TMEM132B: variants seen among roughly 807,000 people sequenced by gnomAD.
TMEM132B encodes transmembrane protein 132B.
In TMEM132B, 18 loss-of-function variants were observed where a neutral mutation model predicts 90.8. The ratio of observed to expected loss-of-function variants is 0.20; its 90% CI spans 0.14 to 0.29. The LOEUF is 0.29. TMEM132B is among the 10% of genes least tolerant of loss of function. The probability of loss-of-function intolerance (pLI) is 1.00; values close to 1 mark genes in which losing one functional copy is unlikely to be tolerated. For missense variants in TMEM132B, 1,096 were observed against 1,326.8 expected, an observed-to-expected ratio of 0.83 and a Z score of 2.70; for synonymous variants, 504 against 523.3, an observed-to-expected ratio of 0.96 and a Z score of 0.50.
rs746475847 is a variant in TMEM132B at position 125,658,045 on chromosome 12, A to ACAAC, written c.*3336_*3339dup. On this transcript the variant is annotated 3_prime_UTR_variant, in exon 9 of 9. Coordinates refer to ENST00000682704, the MANE Select transcript of TMEM132B (RefSeq NM_001366854.1). ...GACAATAGAAGGTTACCCTGGAAAAACAACACCTAGCAAACCTCAGAATAC... is the reference window on the plus strand; with the variant it reads ...GACAATAGAAGGTTACCCTGGAAAAACAACCAACACCTAGCAAACCTCAGAATAC... The ACAAC allele has an allele frequency of 1.3e-5, 2 of 152,250 alleles. No homozygotes were observed. The highest frequency in any genetic ancestry group is 2.9e-5 in the Non-Finnish European group (2 of 68,074). The allele number at this position is 152,250 out of a possible 1,614,324, so 9.4% of individuals were successfully genotyped here. A position where few individuals can be genotyped will look rare whatever the true frequency, so the allele number is the denominator to read the frequency against.
rs181519211 is a variant in TMEM132B at position 125,255,379 on chromosome 12, C to T, written c.67+68513C>T. ...GGGGTTGTAGAGCCACAGTTGCCCACGGGGGCGGCATGGCTGTGCTGTAGG... is the reference window on the plus strand; with the variant it reads ...GGGGTTGTAGAGCCACAGTTGCCCATGGGGGCGGCATGGCTGTGCTGTAGG... On this transcript the variant is annotated intron_variant, in intron 1 of 8. Coordinates refer to ENST00000682704, the MANE Select transcript of TMEM132B (RefSeq NM_001366854.1). Among the ~76,000 whole-genome samples the T allele has an allele frequency of 1.5e-4, 23 of 152,202 alleles. No homozygotes were observed. In the East Asian group the frequency reaches 3.5e-3, roughly 23 times the overall value.
chr12:125,620,021 T>C (rs1023229304), intron 5 of TMEM132B, among the ~76,000 whole-genome samples: 9 of 152,202 alleles, frequency 5.9e-5, no homozygotes, highest in African/African-American at 2.2e-4. Context: ...CTGGGACTTC[T>C]GTTTAGTCAT....
At chr12:125,202,899 A>G (rs750961253) in intron 1 of TMEM132B, among the ~76,000 whole-genome samples, 20 of 152,206 alleles carry the variant, frequency 1.3e-4, no homozygotes, top group Admixed American at 2.6e-4. Context: ...GAACTTGATC[A>G]TGAACTTCCC....
chr12:125,541,191 C>A (rs1223439541), intron 4 of TMEM132B, among the ~76,000 whole-genome samples: 2 of 152,226 alleles, frequency 1.3e-5, no homozygotes, highest in African/African-American at 4.8e-5. Context: ...TCATAATAAT[C>A]ATTGTCACGA....
At chr12:125,355,640 A>G (rs896203001) in intron 2 of TMEM132B, among the ~76,000 whole-genome samples, 1 of 152,214 alleles carries the variant, frequency 6.6e-6, no homozygotes, top group Non-Finnish European at 1.5e-5. Context: ...CTTAGGCCTA[A>G]GGAAATGTGT....
chr12:125,376,103 C>G (rs1878471557), intron 2 of TMEM132B, among the ~76,000 whole-genome samples: 1 of 152,172 alleles, frequency 6.6e-6, no homozygotes. Flanking sequence ...CTCTTGCACC[C>G]CCTAACCTCT....
intron 5 of TMEM132B, among the ~76,000 whole-genome samples, chr12:125,611,002 A>G (rs2136943569): frequency 6.6e-6 from 1 of 152,196 alleles, no homozygotes; most frequent in Non-Finnish European, 1.5e-5. Flanking sequence ...ACCAGTGAAG[A>G]TATCTAGACC....
At chr12:125,648,489 C>G (rs1886822735) in intron 6 of TMEM132B, among the ~76,000 whole-genome samples, 1 of 147,936 alleles carries the variant, frequency 6.8e-6, no homozygotes, top group Non-Finnish European at 1.5e-5. Flanking sequence ...TAGGAAGATG[C>G]TAACTTCAGG....
chr12:125,481,639 G>T (rs1882046748), intron 3 of TMEM132B, among the ~76,000 whole-genome samples: 2 of 152,208 alleles, frequency 1.3e-5, no homozygotes, highest in African/African-American at 2.4e-5. Flanking sequence ...CATGCTTATG[G>T]ATAGGAAGAA....
At chr12:125,511,936 A>G (rs1882991777) in intron 3 of TMEM132B, among the ~76,000 whole-genome samples, 1 of 151,832 alleles carries the variant, frequency 6.6e-6, no homozygotes, top group African/African-American at 2.4e-5. Context: ...AGTGTCCCTC[A>G]TCCAGTTGAG....
Position 125,320,805 on chromosome 12 carries a change from G to A in TMEM132B, c.68-28647G>A, listed in dbSNP as rs557363358. 6.3e-4 allele frequency among the ~76,000 whole-genome samples: 96 copies of A among 152,302 alleles called. 1 individual carries two copies. Among genetic ancestry groups the A allele is most frequent in the South Asian group, 3.7e-3 (18 of 4,818 alleles). On this transcript the variant is annotated intron_variant, in intron 1 of 8. Transcript: ENST00000682704. ...ATTGGGACTGTGGGGAATATGGAAA[G>A]CAACACATCTTCCAGAAGGAGCAGA...
intron 1 of TMEM132B, among the ~76,000 whole-genome samples, chr12:125,198,305 T>C (rs112153379): frequency 7.9e-5 from 12 of 152,234 alleles, no homozygotes; most frequent in East Asian, 5.8e-4. Context: ...AAGAGGGAAA[T>C]GGCTTCAGGT....
intron 3 of TMEM132B, among the ~76,000 whole-genome samples, chr12:125,454,198 A>G (rs1036890285): frequency 2.0e-5 from 3 of 152,160 alleles, no homozygotes; most frequent in Non-Finnish European, 4.4e-5. Flanking sequence ...TTTACAGTGA[A>G]AAAGCACTGT....
chr12:125,607,394 A>G (rs1885724053), intron 5 of TMEM132B, among the ~76,000 whole-genome samples: 1 of 152,218 alleles, frequency 6.6e-6, no homozygotes. Flanking sequence ...GAAACAGTTT[A>G]TTGATTAGTT....
rs12422793 is a variant in TMEM132B, at chr12:125,408,289, G to A, written c.960-7242G>A. 0.16 allele frequency among the ~76,000 whole-genome samples: 24,210 copies of A among 152,120 alleles called. 2,155 individuals carry two copies. Among genetic ancestry groups the A allele is most frequent in the South Asian group, 0.21 (987 of 4,810 alleles). ...TGTCAATGGGTGCTAGGGTCTGAACGTCTGTATCCCCCACAAATTCGCATG... is the reference window on the plus strand; with the variant it reads ...TGTCAATGGGTGCTAGGGTCTGAACATCTGTATCCCCCACAAATTCGCATG... On this transcript the variant is annotated intron_variant, in intron 2 of 8. Coordinates refer to ENST00000682704, the MANE Select transcript of TMEM132B (RefSeq NM_001366854.1). This position sits in a 1 kb window ranked among gnomAD's most constrained non-coding sequence, Gnocchi z 5.9.
intron 1 of TMEM132B, among the ~76,000 whole-genome samples, chr12:125,259,909 G>A (rs575162745): frequency 6.6e-6 from 1 of 152,246 alleles, no homozygotes; most frequent in South Asian, 2.1e-4. Flanking sequence ...GAGTCTTCCA[G>A]TCAGCTCTCG....
At chr12:125,595,528 A>T (rs1210734575) in intron 5 of TMEM132B, among the ~76,000 whole-genome samples, 1 of 152,226 alleles carries the variant, frequency 6.6e-6, no homozygotes, top group African/African-American at 2.4e-5. Context: ...CACATGTATC[A>T]GTTCATATAT....
intron 1 of TMEM132B, among the ~76,000 whole-genome samples, chr12:125,323,465 C>A (rs1195972965): frequency 2.1e-5 from 3 of 146,172 alleles, no homozygotes; most frequent in African/African-American, 7.7e-5. Context: ...AAACAAAAAA[C>A]AAAGACTGGC....
At chr12:125,220,656 C>T (rs1054189313) in intron 1 of TMEM132B, among the ~76,000 whole-genome samples, 1 of 152,218 alleles carries the variant, frequency 6.6e-6, no homozygotes, top group Admixed American at 6.5e-5. Flanking sequence ...TGTTGACGCT[C>T]TGTGGTCAGG....
Sources: gnomAD v4.1 joint callset for allele counts (sites outside exome capture counted in the v4.1 genomes callset) on GRCh38, gnomAD v4.1.1 for gene constraint, Gnocchi (gnomAD v3.1) non-coding constraint, MANE v1.5 for transcripts, NCBI Gene and HGNC (gene_info 2026-07-23, HGNC 2026-07-21) for gene names.